Variants in PLCG2 observed in about 807,000 individuals in gnomAD.
PLCG2 encodes phospholipase C gamma 2, also known as 1-phosphatidylinositol 4,5-bisphosphate phosphodiesterase gamma-2.
PLCG2 carries 69 observed loss-of-function variants against 175.6 expected under a neutral mutation model. The observed-to-expected ratio is 0.39, with a 90% CI of 0.32 to 0.48. PLCG2 has a LOEUF of 0.48. Ranked by LOEUF, PLCG2 falls within the 20% of genes least tolerant of loss-of-function variation. The probability of loss-of-function intolerance (pLI) is 0.91; values close to 1 mark genes in which losing one functional copy is unlikely to be tolerated. For missense variants in PLCG2, 1,798 were observed against 1,650.9 expected, an observed-to-expected ratio of 1.09 and a Z score of -1.54; for synonymous variants, 827 against 624.0, an observed-to-expected ratio of 1.33 and a Z score of -4.85.
chr16:81,869,136 G>T lies in PLCG2; in HGVS notation c.480-78G>T, dbSNP rs1249494772. On this transcript the variant is annotated intron_variant, in intron 5 of 32. Coordinates refer to ENST00000564138, the MANE Select transcript of PLCG2 (RefSeq NM_002661.5). Reference sequence around the variant, plus strand: ...TCTCTCATAGAGGGCTGCCTGAGGTGGGAACTGATGGGAGCAGCTAAATCC... The same window carrying T: ...TCTCTCATAGAGGGCTGCCTGAGGTTGGAACTGATGGGAGCAGCTAAATCC... 6 of 1,025,380 alleles carry T rather than the reference G, an allele frequency of 5.9e-6. No homozygotes were observed. In the South Asian group the frequency reaches 7.7e-5, roughly 13 times the overall value. 63.5% of individuals were successfully genotyped at this position (1,025,380 alleles called of 1,614,324 possible).
intron 2 of PLCG2, among the ~76,000 whole-genome samples, chr16:81,849,373 C>G (rs561711244): frequency 6.6e-6 from 1 of 152,114 alleles, no homozygotes; most frequent in Non-Finnish European, 1.5e-5. Flanking sequence ...CTGGCTATTG[C>G]TGGAAGACAA....
chr16:81,769,459 T>C (rs548311894), intron 2 of PLCG2, among the ~76,000 whole-genome samples: 30 of 152,270 alleles, frequency 2.0e-4, no homozygotes, highest in African/African-American at 6.7e-4. Flanking sequence ...TCTCAGACTT[T>C]TCTAAGGCCC....
At chr16:81,740,755 A>AC (rs1909574671) in intron 1 of PLCG2, among the ~76,000 whole-genome samples, 1 of 149,164 alleles carries the variant, frequency 6.7e-6, no homozygotes, top group Non-Finnish European at 1.5e-5. Context: ...AAAAAAAAAA[A>AC]AAAAACCGAA....
intron 2 of PLCG2, among the ~76,000 whole-genome samples, chr16:81,793,370 C>T (rs1203990771): frequency 1.3e-5 from 2 of 152,126 alleles, no homozygotes; most frequent in East Asian, 1.9e-4. Context: ...CTGAGTTGAG[C>T]CTTAGGTGTC....
intron 2 of PLCG2, among the ~76,000 whole-genome samples, chr16:81,774,015 G>A (rs1028961912): frequency 1.9e-4 from 29 of 151,714 alleles, no homozygotes; most frequent in African/African-American, 7.0e-4. Context: ...GCTCCACCAG[G>A]ACTCCAGGTT....
At chr16:81,741,052 C>T (rs547039953) in intron 1 of PLCG2, among the ~76,000 whole-genome samples, 24 of 152,220 alleles carry the variant, frequency 1.6e-4, no homozygotes, top group Non-Finnish European at 3.4e-4. Context: ...AAGGCAGTCC[C>T]CTTCCTCCAT....
chr16:81,953,986 CT>C (rs1266952442), intron 31 of PLCG2, among the ~76,000 whole-genome samples: 1 of 151,964 alleles, frequency 6.6e-6, no homozygotes, highest in African/African-American at 2.4e-5. Context: ...AAAGAGAGAC[CT>C]TTCATGGTAT....
chr16:81,795,149 C>G (rs1911410144), intron 2 of PLCG2, among the ~76,000 whole-genome samples: 1 of 152,202 alleles, frequency 6.6e-6, no homozygotes, highest in African/African-American at 2.4e-5. Context: ...CTGAAGATCT[C>G]TAGAGGATCT....
At chr16:81,858,520 C>T (rs1328293480) in intron 4 of PLCG2, among the ~76,000 whole-genome samples, 164 bp downstream of exon 4, 1 of 152,026 alleles carries the variant, frequency 6.6e-6, no homozygotes, top group Non-Finnish European at 1.5e-5. Flanking sequence ...GGTGTGGGCT[C>T]TACAGTTTTT....
chr16:81,867,318 G>T (rs770345876), intron 5 of PLCG2, among the ~76,000 whole-genome samples: 2 of 152,200 alleles, frequency 1.3e-5, no homozygotes, highest in African/African-American at 2.4e-5. Context: ...TGGACACTTG[G>T]CTCCAGCCAG....
chr16:81,757,390 C>T (rs939394626), intron 2 of PLCG2, among the ~76,000 whole-genome samples: 5 of 152,126 alleles, frequency 3.3e-5, no homozygotes, highest in Admixed American at 2.0e-4. Flanking sequence ...ATGGTGAAAC[C>T]CCGTCTCTAC....
chr16:81,741,418 A>G (rs1476003652), intron 1 of PLCG2, among the ~76,000 whole-genome samples: 3 of 152,160 alleles, frequency 2.0e-5, no homozygotes, highest in Non-Finnish European at 2.9e-5. Flanking sequence ...TTGCAGGAGG[A>G]AGATTTTTTT....
chr16:81,941,254 C>T (rs780679441), intron 30 of PLCG2, among the ~76,000 whole-genome samples: 16 of 152,274 alleles, frequency 1.1e-4, no homozygotes, highest in Middle Eastern at 3.4e-3. Context: ...TGGCCGGGCA[C>T]GGTGGCTCAC....
intron 2 of PLCG2, among the ~76,000 whole-genome samples, chr16:81,805,424 A>G (rs938803379): frequency 2.0e-5 from 3 of 148,362 alleles, no homozygotes; most frequent in African/African-American, 4.9e-5. Flanking sequence ...GCGTTAACCC[A>G]GGAGGTGGAG....
rs377091034 is a variant in PLCG2, at chr16:81,900,793, G to A, written c.1362+13G>A. 1.3e-6 allele frequency: 2 copies of A among 1,590,546 alleles called. No homozygotes were observed. ...GATCATCATCAAGGTAGGCACCCCG[G>A]GTGCTGCTGTTGGCTGTCCAGGGAG... On this transcript the variant is annotated intron_variant, in intron 14 of 32. Transcript: ENST00000564138.
chr16:81,870,559 G>T (rs1273089460), intron 6 of PLCG2, among the ~76,000 whole-genome samples: 2 of 152,212 alleles, frequency 1.3e-5, no homozygotes, highest in Non-Finnish European at 1.5e-5. Flanking sequence ...TACTTGGTAG[G>T]TGTCTCTGTG....
intron 30 of PLCG2, among the ~76,000 whole-genome samples, chr16:81,943,421 C>A (rs1911031059): frequency 6.6e-6 from 1 of 152,162 alleles, no homozygotes; most frequent in Admixed American, 6.5e-5. Flanking sequence ...ACAACCCCAT[C>A]TCGTGAGAAC....
At chr16:81,936,105 C>G (rs1910699446) in intron 26 of PLCG2, 64 bp from the exon 27 acceptor site, 2 of 1,588,378 alleles carry the variant, frequency 1.3e-6, no homozygotes, top group East Asian at 2.2e-5. Flanking sequence ...GCCATTGCAG[C>G]AAACATTAAG....
At chr16:81,768,092 G>A (rs1023383361) in intron 2 of PLCG2, among the ~76,000 whole-genome samples, 7 of 152,128 alleles carry the variant, frequency 4.6e-5, no homozygotes, top group Non-Finnish European at 1.0e-4. Flanking sequence ...GTTTCACCAT[G>A]TTGACCAGGC....
Sources: gnomAD v4.1 joint callset for allele counts (sites outside exome capture counted in the v4.1 genomes callset) on GRCh38, gnomAD v4.1.1 for gene constraint, MANE v1.5 for transcripts, NCBI Gene and HGNC (gene_info 2026-07-23, HGNC 2026-07-21) for gene names.